Variants in CTIF observed in about 807,000 individuals in gnomAD.
CTIF encodes cap binding complex dependent translation initiation factor.
Under a neutral mutation model 66.0 loss-of-function variants are expected in CTIF, and 21 were observed. The ratio of observed to expected loss-of-function variants is 0.32; its 90% CI spans 0.23 to 0.46. The LOEUF (loss-of-function observed/expected upper bound fraction) is 0.46, where lower values mean the gene tolerates loss of function less well. CTIF is among the 20% of genes least tolerant of loss of function. The probability of loss-of-function intolerance (pLI) is 1.00; values close to 1 mark genes in which losing one functional copy is unlikely to be tolerated. For synonymous variants in CTIF, 345 were observed against 326.4 expected (o/e 1.06, Z -0.62); for missense variants, 739 against 812.7 (o/e 0.91, Z 1.10).
chr18:48,767,465 G>A (rs1240819919), intron 9 of CTIF, among the ~76,000 whole-genome samples: 1 of 152,140 alleles, frequency 6.6e-6, no homozygotes, highest in Non-Finnish European at 1.5e-5. Context: ...TGAAATGTGT[G>A]TGCTCTGTTT....
intron 3 of CTIF, among the ~76,000 whole-genome samples, chr18:48,637,914 C>A (rs2090853597): frequency 6.6e-6 from 1 of 152,126 alleles, no homozygotes; most frequent in Admixed American, 6.5e-5. Flanking sequence ...CAGAAGGAGC[C>A]TCGACGGCCT....
Position 48,863,067 on chromosome 18 carries a change from TC to T in CTIF, c.*3512del, listed in dbSNP as rs956496849. ...CTGGGAGTGGACGACAGGACCTACC[TC>T]CCCAGAGCAAGGGCCTGGGGCTTCC... On this transcript the variant is annotated 3_prime_UTR_variant, in exon 12 of 12. Transcript: ENST00000256413. 1 of 152,166 alleles carries T rather than the reference TC, an allele frequency of 6.6e-6. No individual in the cohort carries two copies. Among genetic ancestry groups the T allele is most frequent in the African/African-American group, 2.4e-5 (1 of 41,432 alleles). 9.4% of individuals were successfully genotyped at this position (152,166 alleles called of 1,614,324 possible).
chr18:48,723,495 C>A (rs191546195), intron 7 of CTIF, among the ~76,000 whole-genome samples: 4 of 152,154 alleles, frequency 2.6e-5, no homozygotes, highest in African/African-American at 9.7e-5. Flanking sequence ...ATTTAGGAAG[C>A]CCTCGAAACT....
intron 6 of CTIF, among the ~76,000 whole-genome samples, chr18:48,673,371 A>G (rs1024906134): frequency 2.0e-5 from 3 of 150,882 alleles, no homozygotes; most frequent in Non-Finnish European, 4.4e-5. Context: ...ACCACTTCCC[A>G]GCAGAAATTC....
intron 3 of CTIF, among the ~76,000 whole-genome samples, chr18:48,658,144 C>G (rs2091275120): frequency 6.6e-6 from 1 of 151,696 alleles, no homozygotes; most frequent in Admixed American, 6.6e-5. Context: ...GTGTGTGGTA[C>G]ATGTATGTTT....
intron 1 of CTIF, among the ~76,000 whole-genome samples, chr18:48,574,834 C>A (rs1312907045): frequency 1.3e-5 from 2 of 152,170 alleles, no homozygotes; most frequent in Non-Finnish European, 2.9e-5. Flanking sequence ...CTGTCAGAGA[C>A]CCAGCTCTTG....
chr18:48,556,653 G>A (rs193171496), intron 1 of CTIF, among the ~76,000 whole-genome samples: 12 of 152,170 alleles, frequency 7.9e-5, no homozygotes, highest in East Asian at 7.7e-4. Context: ...CAACCTCTTC[G>A]TCCCAGGTTC....
At chr18:48,689,832 G>T (rs1233347958) in intron 6 of CTIF, among the ~76,000 whole-genome samples, 1 of 152,178 alleles carries the variant, frequency 6.6e-6, no homozygotes, top group Non-Finnish European at 1.5e-5. Context: ...AACTCTCTGG[G>T]CAATGGGTCC....
chr18:48,697,796 G>A (rs1193096061), intron 6 of CTIF, among the ~76,000 whole-genome samples: 1 of 152,120 alleles, frequency 6.6e-6, no homozygotes, highest in African/African-American at 2.4e-5. Context: ...TGACATGTGA[G>A]GGGGTAGTGA....
intron 1 of CTIF, among the ~76,000 whole-genome samples, chr18:48,617,194 C>A (rs1032438292): frequency 2.0e-5 from 3 of 152,194 alleles, no homozygotes; most frequent in Non-Finnish European, 4.4e-5. Context: ...CTCTCAACTA[C>A]TAGAGGCTGC....
chr18:48,592,772 G>A (rs2089913586), intron 1 of CTIF, among the ~76,000 whole-genome samples: 1 of 152,208 alleles, frequency 6.6e-6, no homozygotes, highest in Non-Finnish European at 1.5e-5. Context: ...GGAGTGGCGG[G>A]GACTAATCGC....
chr18:48,645,275 A>G (rs1198354317), intron 3 of CTIF, among the ~76,000 whole-genome samples: 2 of 146,500 alleles, frequency 1.4e-5, no homozygotes, highest in Non-Finnish European at 3.0e-5. Context: ...TAATGGACAC[A>G]GGCAAAAAAA....
intron 1 of CTIF, among the ~76,000 whole-genome samples, chr18:48,544,525 A>G (rs532318146): frequency 6.6e-6 from 1 of 152,342 alleles, no homozygotes; most frequent in Admixed American, 6.5e-5. Context: ...GTTCACTCAT[A>G]TTCGGCCACA....
At chr18:48,577,402 A>G (rs569961750) in intron 1 of CTIF, among the ~76,000 whole-genome samples, 1 of 152,286 alleles carries the variant, frequency 6.6e-6, no homozygotes, top group Non-Finnish European at 1.5e-5. Context: ...CCCTTCTGCC[A>G]TATTTTGTTT....
At chr18:48,561,327 C>CT (rs2089158230) in intron 1 of CTIF, among the ~76,000 whole-genome samples, 1 of 151,998 alleles carries the variant, frequency 6.6e-6, no homozygotes, top group African/African-American at 2.4e-5. Context: ...CTTGAAGCCC[C>CT]TTTTATATGC....
chr18:48,810,717 T>C (rs1568237287), intron 9 of CTIF, among the ~76,000 whole-genome samples: 1 of 151,682 alleles, frequency 6.6e-6, no homozygotes, highest in Non-Finnish European at 1.5e-5. Context: ...TTCCTATGTT[T>C]CTTTTTTTTT....
At chr18:48,591,230 C>T (rs932318195) in intron 1 of CTIF, among the ~76,000 whole-genome samples, 8 of 152,234 alleles carry the variant, frequency 5.3e-5, no homozygotes, top group African/African-American at 1.9e-4. Flanking sequence ...TATAATTACC[C>T]TGACTCTTCT....
chr18:48,753,803 T>A (rs969888476), intron 7 of CTIF, among the ~76,000 whole-genome samples: 1 of 152,200 alleles, frequency 6.6e-6, no homozygotes, highest in East Asian at 1.9e-4. Flanking sequence ...AGGACCCACA[T>A]GTCCATGTGT....
At chr18:48,847,992 C>T (rs1402028530) in intron 10 of CTIF, among the ~76,000 whole-genome samples, 1 of 152,152 alleles carries the variant, frequency 6.6e-6, no homozygotes, top group Non-Finnish European at 1.5e-5. Flanking sequence ...GGTACAGGTC[C>T]AGGTCCCGCA....
Sources: gnomAD v4.1 joint callset for allele counts (sites outside exome capture counted in the v4.1 genomes callset) on GRCh38, gnomAD v4.1.1 for gene constraint, MANE v1.5 for transcripts, NCBI Gene and HGNC (gene_info 2026-07-23, HGNC 2026-07-21) for gene names.